The following BPNT2 variants were observed in gnomAD, a reference collection of about 807,000 sequenced individuals.
The protein encoded by BPNT2 is Golgi-resident adenosine 3',5'-bisphosphate 3'-phosphatase.
Under a neutral mutation model 29.3 loss-of-function variants are expected in BPNT2, and 11 were observed. The observed-to-expected ratio is 0.38, with a 90% CI of 0.24 to 0.62. BPNT2 has a LOEUF of 0.62. Ranked by LOEUF, BPNT2 falls within the 20% of genes least tolerant of loss-of-function variation. BPNT2 has a pLI of 0.62. For missense variants in BPNT2, 459 were observed against 473.4 expected (o/e 0.97, Z 0.28); for synonymous variants, 195 against 187.7 (o/e 1.04, Z -0.32).
At chr8:56,981,626 C>G (rs1230686573) in intron 1 of BPNT2, among the ~76,000 whole-genome samples, 1 of 152,106 alleles carries the variant, frequency 6.6e-6, no homozygotes, top group Admixed American at 6.6e-5. Flanking sequence ...CTTTTGTAAA[C>G]TGGCATATAC....
intron 1 of BPNT2, among the ~76,000 whole-genome samples, chr8:56,980,527 G>T (rs1426565888): frequency 1.3e-5 from 2 of 151,694 alleles, no homozygotes; most frequent in East Asian, 3.9e-4. Flanking sequence ...AAAGATAATA[G>T]CTCTAAAGTG....
At position 56,978,147 on chromosome 8, in the gene BPNT2, TA is replaced by T. The variant is rs1297158434; in HGVS notation, c.551-3del. 6.3e-6 allele frequency: 10 copies of T among 1,589,176 alleles called. No individual in the cohort carries two copies. The African/African-American group carries it at 9.4e-5, about 15-fold the overall frequency. On this transcript the variant is annotated splice_region_variant and splice_polypyrimidine_tract_variant and intron_variant, in intron 2 of 4. Transcript: ENST00000262644. Reference sequence around the variant, plus strand: ...TAGTGACGTACTTTCGAAGATCCTCTATGAGAAAAAAAACAAAACAACACAC... The same window carrying T: ...TAGTGACGTACTTTCGAAGATCCTCTTGAGAAAAAAAACAAAACAACACAC...
intron 3 of BPNT2, among the ~76,000 whole-genome samples, chr8:56,970,936 A>T (rs1806021102): frequency 6.6e-6 from 1 of 152,176 alleles, no homozygotes; most frequent in Non-Finnish European, 1.5e-5. Context: ...AATCCTTTTC[A>T]TAAATATTCC....
chr8:56,984,669 A>ATG (rs2129206221), intron 1 of BPNT2, among the ~76,000 whole-genome samples: 1 of 152,304 alleles, frequency 6.6e-6, no homozygotes, highest in African/African-American at 2.4e-5. Context: ...AATGAACAAA[A>ATG]CAGACAAAAT....
intron 1 of BPNT2, among the ~76,000 whole-genome samples, chr8:56,984,629 G>A (rs765045130): frequency 6.6e-6 from 1 of 152,034 alleles, no homozygotes; most frequent in Admixed American, 6.6e-5. Context: ...GGCTATATAC[G>A]CTAAACTGCT....
intron 3 of BPNT2, among the ~76,000 whole-genome samples, chr8:56,973,785 G>C (rs1806077071): frequency 6.6e-6 from 1 of 152,136 alleles, no homozygotes; most frequent in African/African-American, 2.4e-5. Flanking sequence ...GACTGCTTTT[G>C]ACTTCTTTTA....
chr8:56,993,373 C>G lies in BPNT2; in HGVS notation c.213G>C (p.Val71=). 1 of 1,609,574 alleles carries G rather than the reference C, an allele frequency of 6.2e-7. No individual in the cohort carries two copies. Among genetic ancestry groups the G allele is most frequent in the African/African-American group, 1.3e-5 (1 of 75,020 alleles). The change falls in exon 1 of 5, where the codon GTG becomes GTC. Residue 71 remains valine, a synonymous_variant. Coordinates refer to ENST00000262644, the MANE Select transcript of BPNT2 (RefSeq NM_017813.5). Reference sequence around the variant, plus strand: ...CGTCGCCGCCGCGGACTGCGGCCAGCACTGACACAGCCAGCATCTCGCGCA... The same window carrying G: ...CGTCGCCGCCGCGGACTGCGGCCAGGACTGACACAGCCAGCATCTCGCGCA... ...VDLREMLAVS[V]LAAVRGGDEV...
intron 1 of BPNT2, among the ~76,000 whole-genome samples, chr8:56,989,053 C>T (rs1178286124): frequency 6.6e-6 from 1 of 152,128 alleles, no homozygotes; most frequent in Non-Finnish European, 1.5e-5. Context: ...ACTCTGAGTC[C>T]TTCCATTCAT....
At chr8:56,970,838 A>T (rs1806019259) in intron 3 of BPNT2, among the ~76,000 whole-genome samples, 1 of 152,138 alleles carries the variant, frequency 6.6e-6, no homozygotes, top group South Asian at 2.1e-4. Flanking sequence ...ATGAAGGGGT[A>T]TATAAGTATT....
Position 56,964,008 on chromosome 8 carries a change from A to G in BPNT2, c.865T>C (p.Leu289=), listed in dbSNP as rs1805894374. 6.2e-7 allele frequency: 1 copy of G among 1,610,588 alleles called. No individual in the cohort carries two copies. The highest frequency in any genetic ancestry group is 8.5e-7 in the Non-Finnish European group (1 of 1,177,798). ...TTGATGTATGTCACATGGATGTATAAATCAGCTTTTTCTTGACTCTTATCA... is the reference window on the plus strand; with the variant it reads ...TTGATGTATGTCACATGGATGTATAGATCAGCTTTTTCTTGACTCTTATCA... The part of the protein sequence containing the change: ...VPDKSQEKAD[L]YIHVTYIKKW... Residue 289 remains leucine, a synonymous_variant, in exon 5 of 5, where the codon TTA becomes CTA. Coordinates refer to ENST00000262644, the MANE Select transcript of BPNT2 (RefSeq NM_017813.5).
At chr8:56,982,756 G>C (rs1449462653) in intron 1 of BPNT2, among the ~76,000 whole-genome samples, 1 of 152,168 alleles carries the variant, frequency 6.6e-6, no homozygotes, top group East Asian at 1.9e-4. Flanking sequence ...TTAAGAAAAA[G>C]GGGTAGATAG....
At position 56,970,768 on chromosome 8, in the gene BPNT2, T is replaced by C. The variant is rs115090964; in HGVS notation, c.647-4416A>G. 7.6e-3 allele frequency among the ~76,000 whole-genome samples: 1,155 copies of C among 152,200 alleles called. 11 individuals are homozygous for C. Among genetic ancestry groups the C allele is most frequent in the African/African-American group, 0.023 (953 of 41,518 alleles). On this transcript the variant is annotated intron_variant, in intron 3 of 4. Transcript: ENST00000262644. ...ATGATCCTTATAATTTTCTTTAAGG[T>C]ACACAGGCCAAAAAATAGGAAAGCA...
At chr8:56,972,863 A>T (rs943906063) in intron 3 of BPNT2, among the ~76,000 whole-genome samples, 89 of 151,914 alleles carry the variant, frequency 5.9e-4, no homozygotes, top group Non-Finnish European at 9.1e-4. Context: ...AAAAAAAAAA[A>T]TTTAAAAAAG....
Position 56,993,679 on chromosome 8 carries a change from G to T in BPNT2, c.-94C>A. 10 of 1,081,444 alleles carry T rather than the reference G, an allele frequency of 9.2e-6. No homozygotes were observed. The South Asian group carries it at 2.2e-4, about 23-fold the overall frequency. The allele number at this position is 1,081,444 out of a possible 1,614,324, so 67.0% of individuals were successfully genotyped here. A position where few individuals can be genotyped will look rare whatever the true frequency, so the allele number is the denominator to read the frequency against. On this transcript the variant is annotated 5_prime_UTR_variant, in exon 1 of 5. Coordinates refer to ENST00000262644, the MANE Select transcript of BPNT2 (RefSeq NM_017813.5). ...GCAGCCGCCGCGCTCCGGGCCAGGC[G>T]CCGCGCGGGCTACACTGGCGCCCGC...
chr8:56,968,389 T>TAA (rs11428357), intron 3 of BPNT2, among the ~76,000 whole-genome samples: 18 of 121,804 alleles, frequency 1.5e-4, no homozygotes, highest in Non-Finnish European at 2.5e-4. Flanking sequence ...AGTGATAGAT[T>TAA]AAAAAAAAAA....
intron 4 of BPNT2, among the ~76,000 whole-genome samples, chr8:56,965,295 G>C (rs866646487): frequency 1.3e-5 from 2 of 152,006 alleles, no homozygotes; most frequent in African/African-American, 4.8e-5. Flanking sequence ...CTCCAGCCTG[G>C]GAGACAGAAT....
At chr8:56,979,933 G>C (rs1183151388) in intron 2 of BPNT2, 102 bp downstream of exon 2, 5 of 1,095,010 alleles carry the variant, frequency 4.6e-6, no homozygotes, top group East Asian at 4.8e-5. Flanking sequence ...CTTCTTTACT[G>C]AACAATCAGT....
intron 1 of BPNT2, among the ~76,000 whole-genome samples, chr8:56,990,252 G>C (rs1003791755): frequency 1.4e-4 from 21 of 152,290 alleles, no homozygotes; most frequent in African/African-American, 5.1e-4. Flanking sequence ...TTGAGGACAG[G>C]AGCCCCTCAA....
At position 56,962,143 on chromosome 8, in the gene BPNT2, T is replaced by C. The variant is rs188573956; in HGVS notation, c.*1650A>G. Reference sequence around the variant, plus strand: ...TATCAAGTGTTCCACCTACCAAAACTTTGAATGAATTTTCACTGAAAAGGC... The same window carrying C: ...TATCAAGTGTTCCACCTACCAAAACCTTGAATGAATTTTCACTGAAAAGGC... On this transcript the variant is annotated 3_prime_UTR_variant, in exon 5 of 5. Transcript: ENST00000262644. 1 of 152,290 alleles carries C rather than the reference T, an allele frequency of 6.6e-6. No individual in the cohort carries two copies. Among genetic ancestry groups the C allele is most frequent in the Non-Finnish European group, 1.5e-5 (1 of 68,028 alleles). 9.4% of individuals were successfully genotyped at this position (152,290 alleles called of 1,614,324 possible). A position where few individuals can be genotyped will look rare whatever the true frequency, so the allele number is the denominator to read the frequency against.
Sources: gnomAD v4.1 joint callset for allele counts (sites outside exome capture counted in the v4.1 genomes callset) on GRCh38, gnomAD v4.1.1 for gene constraint, MANE v1.5 for transcripts, NCBI Gene and HGNC (gene_info 2026-07-23, HGNC 2026-07-21) for gene names.